Variants in RARB observed in about 807,000 individuals in gnomAD.
RARB encodes the protein retinoic acid receptor beta, also known as HBV-activated protein.
RARB carries 17 observed loss-of-function variants against 51.9 expected under a neutral mutation model. The ratio of observed to expected loss-of-function variants is 0.33; its 90% CI spans 0.22 to 0.49. RARB has a LOEUF of 0.49. RARB is among the 20% of genes least tolerant of loss of function. The pLI is 0.99. For missense variants in RARB, 369 were observed against 550.8 expected (o/e 0.67, Z 3.30); for synonymous variants, 215 against 195.4 (o/e 1.10, Z -0.84).
chr3:25,473,572 C>G (rs1695806454), intron 2 of RARB, among the ~76,000 whole-genome samples: 1 of 152,156 alleles, frequency 6.6e-6, no homozygotes, highest in African/African-American at 2.4e-5. Context: ...AAAATGCAGG[C>G]TTTATAAATG....
In RARB at chr3:25,195,277, T is replaced by C. The variant is rs1379687395; in HGVS notation, c.178+20702T>C. Among the ~76,000 whole-genome samples the C allele has an allele frequency of 7.2e-5, 11 of 151,946 alleles. No homozygotes were observed. In the East Asian group the frequency reaches 1.7e-3, roughly 24 times the overall value. ...CATCAACCCAGGCCTAGACTTAAAA[T>C]TGTATCACTTAAGAATAGGTAGTGT... On this transcript the variant is annotated intron_variant, in intron 5 of 11. Transcript: ENST00000383772.
intron 5 of RARB, among the ~76,000 whole-genome samples, chr3:25,380,411 A>G (rs1342778383): frequency 6.6e-6 from 1 of 152,222 alleles, no homozygotes; most frequent in Non-Finnish European, 1.5e-5. Context: ...CAGAGCAAAC[A>G]GCCTTAACTC....
intron 2 of RARB, among the ~76,000 whole-genome samples, chr3:24,884,588 G>A (rs1393657723): frequency 6.6e-6 from 1 of 152,080 alleles, no homozygotes; most frequent in African/African-American, 2.4e-5. Context: ...TAGTGCTTTT[G>A]CCTCAAACTT....
intron 1 of RARB, among the ~76,000 whole-genome samples, chr3:24,844,111 C>CA (rs575403239): frequency 9.3e-4 from 142 of 152,288 alleles, no homozygotes; most frequent in African/African-American, 3.3e-3. Flanking sequence ...AGATGCACGG[C>CA]AGCCCTAGAA....
intron 5 of RARB, among the ~76,000 whole-genome samples, chr3:25,257,717 C>T (rs1702900542): frequency 6.6e-6 from 1 of 152,048 alleles, no homozygotes; most frequent in Non-Finnish European, 1.5e-5. Context: ...ACAGAGTCTT[C>T]CAAGACCTCC....
At chr3:24,971,900 T>G (rs1696406719) in intron 2 of RARB, among the ~76,000 whole-genome samples, 1 of 152,036 alleles carries the variant, frequency 6.6e-6, no homozygotes, top group African/African-American at 2.4e-5. Flanking sequence ...TGATACATAA[T>G]GGATGTACAT....
intron 5 of RARB, among the ~76,000 whole-genome samples, chr3:25,182,022 A>C (rs982926518): frequency 6.6e-6 from 1 of 152,220 alleles, no homozygotes; most frequent in Non-Finnish European, 1.5e-5. Flanking sequence ...ACATTTTTCT[A>C]TTCATCCTTG....
chr3:24,853,927 C>G (rs1702598751), intron 1 of RARB, among the ~76,000 whole-genome samples: 1 of 152,176 alleles, frequency 6.6e-6, no homozygotes, highest in South Asian at 2.1e-4. Flanking sequence ...AGTGCAAGTA[C>G]ATTCAAGACC....
chr3:25,065,991 A>G (rs953413381), intron 3 of RARB, among the ~76,000 whole-genome samples: 1 of 152,162 alleles, frequency 6.6e-6, no homozygotes, highest in South Asian at 2.1e-4. Flanking sequence ...TAGTGCAGAA[A>G]TGTGCATTTT....
chr3:25,150,697 T>TA (rs1380110670), intron 4 of RARB, among the ~76,000 whole-genome samples: 1 of 152,218 alleles, frequency 6.6e-6, no homozygotes, highest in Admixed American at 6.5e-5. Flanking sequence ...ATGATCTTTT[T>TA]AAACAGAATT....
At chr3:24,937,360 C>A (rs547267470) in intron 2 of RARB, among the ~76,000 whole-genome samples, 2 of 152,128 alleles carry the variant, frequency 1.3e-5, no homozygotes, top group African/African-American at 4.8e-5. Flanking sequence ...AGTTCTCTTG[C>A]ATGAAGAGTC....
At chr3:25,302,814 C>A (rs1467941058) in intron 5 of RARB, among the ~76,000 whole-genome samples, 2 of 152,148 alleles carry the variant, frequency 1.3e-5, no homozygotes, top group Non-Finnish European at 2.9e-5. Flanking sequence ...GGGCTGTGCC[C>A]CCATGGAAAT....
intron 5 of RARB, among the ~76,000 whole-genome samples, chr3:25,271,903 T>C (rs1703265720): frequency 2.0e-5 from 3 of 152,214 alleles, no homozygotes; most frequent in African/African-American, 4.8e-5. Flanking sequence ...AAAATACTTA[T>C]CTTTGTCCTT....
intron 5 of RARB, among the ~76,000 whole-genome samples, chr3:25,283,574 T>C (rs1045211934): frequency 2.0e-5 from 3 of 152,232 alleles, no homozygotes; most frequent in African/African-American, 7.2e-5. Context: ...TATGAATATT[T>C]ATTTAATGGA....
At chr3:24,997,471 G>A (rs188081343) in intron 2 of RARB, among the ~76,000 whole-genome samples, 12 of 151,892 alleles carry the variant, frequency 7.9e-5, no homozygotes, top group Middle Eastern at 3.4e-3. Flanking sequence ...ACTTACTCCT[G>A]TCACTTTATT....
chr3:25,554,629 A>C (rs1458162038), intron 3 of RARB, among the ~76,000 whole-genome samples: 1 of 152,164 alleles, frequency 6.6e-6, no homozygotes, highest in African/African-American at 2.4e-5. Context: ...TTCACCATCA[A>C]CACCTCCAGT....
At chr3:25,294,656 A>T (rs1703875760) in intron 5 of RARB, among the ~76,000 whole-genome samples, 1 of 152,218 alleles carries the variant, frequency 6.6e-6, no homozygotes, top group Non-Finnish European at 1.5e-5. Context: ...CTGTGGGAGA[A>T]GCCACCTAAG....
rs569019801 is a variant in RARB at position 25,304,195 on chromosome 3, G to A, written c.178+129620G>A. Among the ~76,000 whole-genome samples the A allele has an allele frequency of 7.9e-5, 12 of 152,218 alleles. No individual in the cohort carries two copies. In the East Asian group the frequency reaches 1.9e-3, roughly 24 times the overall value. On this transcript the variant is annotated intron_variant, in intron 5 of 11. Transcript: ENST00000383772. ...GTCTGGCAGATAGTCAAGGCCTTCC[G>A]AATCCCAGCTGTACTGGGCTCCTCT...
intron 3 of RARB, among the ~76,000 whole-genome samples, chr3:25,068,133 C>CAAAAAAAAAAAAAAA (rs55826425): frequency 3.0e-5 from 1 of 33,250 alleles, no homozygotes; most frequent in Non-Finnish European, 5.3e-5. Flanking sequence ...GACTCCATCT[C>CAAAAAAAAAAAAAAA]AAAAAAAAAA....
Sources: gnomAD v4.1 joint callset for allele counts (sites outside exome capture counted in the v4.1 genomes callset) on GRCh38, gnomAD v4.1.1 for gene constraint, MANE v1.5 for transcripts, NCBI Gene and HGNC (gene_info 2026-07-23, HGNC 2026-07-21) for gene names.